The following CARF variants were observed in gnomAD, a reference collection of about 807,000 sequenced individuals.
The protein encoded by CARF is calcium-responsive transcription factor.
CARF carries 57 observed loss-of-function variants against 82.0 expected under a neutral mutation model. The ratio of observed to expected loss-of-function variants is 0.70; its 90% CI spans 0.56 to 0.87. The LOEUF is 0.87. Ranked by LOEUF, CARF falls within the 40% of genes least tolerant of loss-of-function variation. CARF has a pLI of 0.00. For missense variants in CARF, 771 were observed against 855.8 expected, an observed-to-expected ratio of 0.90 and a Z score of 1.24; for synonymous variants, 268 against 290.1, an observed-to-expected ratio of 0.92 and a Z score of 0.77.
chr2:202,924,282 T>C lies in CARF; in HGVS notation c.-162-15T>C, dbSNP rs1691387131. 1 of 152,222 alleles carries C rather than the reference T, an allele frequency of 6.6e-6. No individual in the cohort carries two copies. The highest frequency in any genetic ancestry group is 6.5e-5 in the Admixed American group (1 of 15,278). The allele number at this position is 152,222 out of a possible 1,614,324, so 9.4% of individuals were successfully genotyped here. ...ATAGATTTTTTTCTTTTATATTTTG[T>C]ACTGTTTGTTTCAGGTTTAATATAT... On this transcript the variant is annotated splice_polypyrimidine_tract_variant and intron_variant, in intron 2 of 16. Coordinates refer to ENST00000438828, the MANE Select transcript of CARF (RefSeq NM_024744.17).
chr2:202,955,459 G>C (rs1574665611), intron 7 of CARF, among the ~76,000 whole-genome samples: 1 of 152,200 alleles, frequency 6.6e-6, no homozygotes, highest in Non-Finnish European at 1.5e-5. Context: ...GTATCTGGAA[G>C]AAGAAATTTA....
At chr2:202,964,858 C>CTT (rs2059476117) in intron 9 of CARF, among the ~76,000 whole-genome samples, 1 of 132,802 alleles carries the variant, frequency 7.5e-6, no homozygotes, top group Non-Finnish European at 1.7e-5. Context: ...ATAAGGACTC[C>CTT]TTATATATAT....
chr2:202,976,517 C>T (rs2060035752), intron 13 of CARF, among the ~76,000 whole-genome samples: 1 of 152,074 alleles, frequency 6.6e-6, no homozygotes, highest in Non-Finnish European at 1.5e-5. Context: ...GAATATTAGT[C>T]ATCTCTGTGA....
chr2:202,953,989 T>C lies in CARF; in HGVS notation c.428-16T>C. 1 of 1,589,148 alleles carries C rather than the reference T, an allele frequency of 6.3e-7. No homozygotes were observed. Among genetic ancestry groups the C allele is most frequent in the African/African-American group, 1.4e-5 (1 of 73,730 alleles). On this transcript the variant is annotated splice_polypyrimidine_tract_variant and intron_variant, in intron 6 of 16. Coordinates refer to ENST00000438828, the MANE Select transcript of CARF (RefSeq NM_024744.17). The stretch of plus-strand genomic sequence containing the variant: ...CAAGATATTGATGTTACTTTGTTCT[T>C]GTTTTTGTTGTTAAGATGTCCCTGA...
At chr2:202,970,784 G>A (rs1295840844) in intron 11 of CARF, among the ~76,000 whole-genome samples, 1 of 151,514 alleles carries the variant, frequency 6.6e-6, no homozygotes, top group Admixed American at 6.6e-5. Flanking sequence ...GTCAGTTATT[G>A]TAATAATTTT....
chr2:202,964,928 T>A (rs940992377), intron 9 of CARF, among the ~76,000 whole-genome samples: 8 of 149,868 alleles, frequency 5.3e-5, no homozygotes, highest in African/African-American at 1.9e-4. Flanking sequence ...TATATGAGAA[T>A]CCTGTGATCA....
intron 8 of CARF, 63 bp from the exon 9 acceptor site, chr2:202,961,174 A>T: frequency 7.4e-7 from 1 of 1,355,110 alleles, no homozygotes; most frequent in South Asian, 1.4e-5. Flanking sequence ...CAACCATCTC[A>T]TTACATTTAT....
At chr2:202,925,825 GA>G in intron 3 of CARF, 1 of 189,268 alleles carries the variant, frequency 5.3e-6, no homozygotes, top group Admixed American at 6.0e-5. Flanking sequence ...AGAAGCTGCT[GA>G]AAGGCAAGGA....
chr2:202,913,514 T>A (rs1418111933), intron 1 of CARF, among the ~76,000 whole-genome samples: 1 of 152,308 alleles, frequency 6.6e-6, no homozygotes, highest in Non-Finnish European at 1.5e-5. Context: ...TAAGGGAGAA[T>A]AGCCACATTG....
chr2:202,965,187 G>A (rs769805417), intron 9 of CARF, among the ~76,000 whole-genome samples: 2 of 152,018 alleles, frequency 1.3e-5, no homozygotes, highest in Admixed American at 6.6e-5. Flanking sequence ...TATTCCATCT[G>A]TGTGATGTAG....
chr2:202,939,685 CTT>C (rs749966536), intron 3 of CARF, among the ~76,000 whole-genome samples: 7 of 104,898 alleles, frequency 6.7e-5, no homozygotes, highest in Non-Finnish European at 1.3e-4. Context: ...GCCTTTTTTT[CTT>C]TTTTTTTTTT....
intron 6 of CARF, 136 bp from the exon 7 acceptor site, chr2:202,953,866 CAAT>C: frequency 1.7e-6 from 1 of 576,782 alleles, no homozygotes; most frequent in Non-Finnish European, 2.6e-6. Flanking sequence ...GAGAAATTCT[CAAT>C]AAAGCATTAT....
At chr2:202,979,071 AC>A (rs2060142670) in intron 14 of CARF, among the ~76,000 whole-genome samples, 1 of 152,146 alleles carries the variant, frequency 6.6e-6, no homozygotes, top group Non-Finnish European at 1.5e-5. Flanking sequence ...AGCCTGGCCA[AC>A]ATGGTGAAAC....
intron 9 of CARF, among the ~76,000 whole-genome samples, chr2:202,966,065 C>A (rs1265411724): frequency 1.3e-5 from 2 of 152,280 alleles, no homozygotes; most frequent in East Asian, 3.9e-4. Flanking sequence ...TCCCTTACCA[C>A]TTGGCAGATG....
At chr2:202,949,193 G>A (rs1386884966) in intron 5 of CARF, among the ~76,000 whole-genome samples, 2 of 151,906 alleles carry the variant, frequency 1.3e-5, no homozygotes, top group Non-Finnish European at 2.9e-5. Context: ...AATTAGCCAG[G>A]CATGGTGGTG....
At chr2:202,949,847 G>A (rs2058680044) in intron 5 of CARF, among the ~76,000 whole-genome samples, 1 of 152,116 alleles carries the variant, frequency 6.6e-6, no homozygotes. Flanking sequence ...ATCGTGCCTG[G>A]CCCAATATGA....
In CARF at chr2:202,982,176, AG is replaced by A. The variant is rs763899851; in HGVS notation, c.1796del (p.Gly599GlufsTer4). ...GTCCTTCAGGACTTCTGGATACAAT[AG>A]GAAGTGCTGTAATGAATAATAATTC... ...SSPSGLLDTI[G>X]SAVMNNNSLL... is the part of the protein sequence containing the mutation. On this transcript the variant is annotated frameshift_variant, in exon 16 of 17. Coordinates refer to ENST00000438828, the MANE Select transcript of CARF (RefSeq NM_024744.17). LOFTEE classifies it high-confidence loss of function. 1.2e-6 allele frequency: 2 copies of A among 1,614,072 alleles called. No homozygotes were observed. The highest frequency in any genetic ancestry group is 1.7e-6 in the Non-Finnish European group (2 of 1,180,024).
chr2:202,981,561 C>A lies in CARF; in HGVS notation c.1565C>A (p.Ser522Ter). The A allele has an allele frequency of 6.3e-7, 1 of 1,592,532 alleles. No individual in the cohort carries two copies. The highest frequency in any genetic ancestry group is 8.6e-7 in the Non-Finnish European group (1 of 1,168,500). ...TTTCTTTAATATAATTTAGGAAATT[C>A]ACCAGGAGAATCAATTACCACCAAA... is the stretch of plus-strand genomic sequence containing the variant. ...TMTVTFAEGN[S>*]PGESITTKVE... The change falls in exon 15 of 17, where the codon TCA (serine) becomes TAA (stop). Residue 522 changes from serine (S) to a stop codon, truncating the protein, a stop_gained. Coordinates refer to ENST00000438828, the MANE Select transcript of CARF (RefSeq NM_024744.17). LOFTEE classifies it high-confidence loss of function.
At chr2:202,948,832 C>G (rs1439754930) in intron 5 of CARF, among the ~76,000 whole-genome samples, 1 of 152,076 alleles carries the variant, frequency 6.6e-6, no homozygotes, top group African/African-American at 2.4e-5. Context: ...TCTGGATGCC[C>G]TTTATTTCTT....
Sources: allele counts gnomAD v4.1 joint callset (sites outside exome capture counted in the v4.1 genomes callset), GRCh38; gene constraint gnomAD v4.1.1; transcripts MANE v1.5; gene names NCBI Gene and HGNC (gene_info 2026-07-23, HGNC 2026-07-21).